Variants in PPM1L observed in about 807,000 individuals in gnomAD.
PPM1L encodes the protein protein phosphatase, Mg2+/Mn2+ dependent 1L.
A neutral mutation model predicts 31.4 loss-of-function variants in PPM1L; 13 were observed. The observed-to-expected ratio is 0.41, with a 90% CI of 0.27 to 0.66. PPM1L has a LOEUF of 0.66. Ranked by LOEUF, PPM1L falls within the 30% of genes least tolerant of loss-of-function variation. The pLI, the probability that PPM1L is intolerant of heterozygous loss-of-function variation, is 0.29. For synonymous variants in PPM1L, 184 were observed against 175.4 expected, an observed-to-expected ratio of 1.05 and a Z score of -0.39; for missense variants, 326 against 453.7, an observed-to-expected ratio of 0.72 and a Z score of 2.56.
chr3:161,013,351 T>G (rs1717960250), intron 2 of PPM1L, among the ~76,000 whole-genome samples: 1 of 152,236 alleles, frequency 6.6e-6, no homozygotes, highest in African/African-American at 2.4e-5. Flanking sequence ...AGTTTCTTAA[T>G]CCTGAGTTGT....
At chr3:160,868,193 A>G (rs1023087551) in intron 1 of PPM1L, among the ~76,000 whole-genome samples, 1 of 152,226 alleles carries the variant, frequency 6.6e-6, no homozygotes, top group Non-Finnish European at 1.5e-5. Flanking sequence ...TAGAAAAAAG[A>G]GTAAGAGAGC....
At chr3:160,935,048 A>C (rs950612127) in intron 1 of PPM1L, among the ~76,000 whole-genome samples, 1 of 152,194 alleles carries the variant, frequency 6.6e-6, no homozygotes, top group Non-Finnish European at 1.5e-5. Context: ...ACATAGTTAC[A>C]TGAAAACAAA....
chr3:160,905,288 A>T (rs1161265673), intron 1 of PPM1L, among the ~76,000 whole-genome samples: 1 of 152,172 alleles, frequency 6.6e-6, no homozygotes, highest in Admixed American at 6.5e-5. Context: ...CTATCTAATT[A>T]TAGAGAGCAT....
At chr3:160,779,764 T>C (rs1445197926) in intron 1 of PPM1L, among the ~76,000 whole-genome samples, 1 of 151,940 alleles carries the variant, frequency 6.6e-6, no homozygotes, top group Non-Finnish European at 1.5e-5. Context: ...ACTCCTGACC[T>C]CAGGTGATCT....
chr3:160,944,863 A>AT (rs1487689645), intron 1 of PPM1L, among the ~76,000 whole-genome samples: 2 of 9,842 alleles, frequency 2.0e-4, no homozygotes, highest in South Asian at 4.0e-3. Context: ...TATATTATAT[A>AT]TAATGTTATA....
At chr3:160,775,992 A>G (rs1711549857) in intron 1 of PPM1L, among the ~76,000 whole-genome samples, 3 of 151,744 alleles carry the variant, frequency 2.0e-5, no homozygotes, top group South Asian at 4.2e-4. Flanking sequence ...GGTAAGTTGC[A>G]TGGCAGAACA....
At chr3:160,913,881 A>G (rs6441341) in intron 1 of PPM1L, among the ~76,000 whole-genome samples, 11,493 of 152,220 alleles carry the variant, frequency 0.076, 554 homozygotes, top group African/African-American at 0.13. Context: ...AAAGATATAC[A>G]TATCTTTGAG....
intron 1 of PPM1L, among the ~76,000 whole-genome samples, chr3:160,822,013 C>A (rs1303234981): frequency 6.6e-6 from 1 of 151,844 alleles, no homozygotes; most frequent in Non-Finnish European, 1.5e-5. Flanking sequence ...GGTTGCAAAG[C>A]CTGTATTCAC....
chr3:160,972,202 C>A (rs1007091488), intron 2 of PPM1L, among the ~76,000 whole-genome samples: 1 of 151,752 alleles, frequency 6.6e-6, no homozygotes, highest in African/African-American at 2.4e-5. Context: ...CAGACTTAAT[C>A]TTTTTTTTTA....
rs577233350 is a variant in PPM1L, at chr3:161,016,345, A to C, written c.575-49058A>C. Among the ~76,000 whole-genome samples, 8 of 152,308 alleles carry C rather than the reference A, an allele frequency of 5.3e-5. No homozygotes were observed. In the East Asian group the frequency reaches 7.7e-4, roughly 15 times the overall value. On this transcript the variant is annotated intron_variant, in intron 2 of 3. Transcript: ENST00000498165. ...TAGGAGAGGCCTATCATATTCCCCT[A>C]AGGAGCTTGTAGTCTTGTGAATGAA...
chr3:160,781,185 T>C (rs1487760170), intron 1 of PPM1L, among the ~76,000 whole-genome samples: 1 of 152,204 alleles, frequency 6.6e-6, no homozygotes, highest in African/African-American at 2.4e-5. Context: ...CTATCCCTTA[T>C]TTTTTAGGAA....
At chr3:160,767,033 A>G (rs1342805797) in intron 1 of PPM1L, among the ~76,000 whole-genome samples, 1 of 151,830 alleles carries the variant, frequency 6.6e-6, no homozygotes, top group Non-Finnish European at 1.5e-5. Flanking sequence ...ATGTGTGCAG[A>G]GCTGTCTGCT....
intron 2 of PPM1L, among the ~76,000 whole-genome samples, chr3:160,975,283 G>A (rs941614316): frequency 1.3e-5 from 2 of 152,008 alleles, no homozygotes; most frequent in African/African-American, 4.8e-5. Context: ...TAGCCTTGTA[G>A]TATAGTTTGA....
At chr3:160,803,674 T>G (rs1028473596) in intron 1 of PPM1L, among the ~76,000 whole-genome samples, 5 of 152,270 alleles carry the variant, frequency 3.3e-5, no homozygotes, top group Non-Finnish European at 7.3e-5. Flanking sequence ...TTTATTTATT[T>G]TTTGCTAATA....
intron 2 of PPM1L, among the ~76,000 whole-genome samples, chr3:160,985,480 T>G (rs1716933818): frequency 6.6e-6 from 1 of 152,226 alleles, no homozygotes; most frequent in Non-Finnish European, 1.5e-5. Flanking sequence ...CAAATGAACT[T>G]TTAATATTCT....
chr3:160,886,744 G>C (rs1712930620), intron 1 of PPM1L, among the ~76,000 whole-genome samples: 1 of 151,992 alleles, frequency 6.6e-6, no homozygotes, highest in South Asian at 2.1e-4. Flanking sequence ...ACAAACTCAA[G>C]AAGATGAGAA....
intron 1 of PPM1L, among the ~76,000 whole-genome samples, chr3:160,802,926 C>T (rs1407809821): frequency 2.0e-5 from 3 of 152,170 alleles, no homozygotes; most frequent in African/African-American, 7.2e-5. Flanking sequence ...TGTACAGAGT[C>T]TTGGGAGATA....
chr3:160,764,473 CTCTTT>C (rs1715054183), intron 1 of PPM1L, among the ~76,000 whole-genome samples: 1 of 149,422 alleles, frequency 6.7e-6, no homozygotes, highest in Non-Finnish European at 1.5e-5. Context: ...CTCTCTCTCT[CTCTTT>C]TTTTTTTTAA....
chr3:160,813,703 A>G (rs1712883186), intron 1 of PPM1L, among the ~76,000 whole-genome samples: 1 of 152,224 alleles, frequency 6.6e-6, no homozygotes, highest in Non-Finnish European at 1.5e-5. Flanking sequence ...ACACTAATAA[A>G]TAATCCTCTC....
Sources: allele counts gnomAD v4.1 joint callset (sites outside exome capture counted in the v4.1 genomes callset), GRCh38; gene constraint gnomAD v4.1.1; transcripts MANE v1.5; gene names NCBI Gene and HGNC (gene_info 2026-07-23, HGNC 2026-07-21).